SPAG16: variants seen among roughly 807,000 people sequenced by gnomAD.
SPAG16 encodes sperm-associated antigen 16 protein.
A neutral mutation model predicts 80.4 loss-of-function variants in SPAG16; 86 were observed. The observed-to-expected ratio is 1.07, with a 90% CI of 0.90 to 1.28. The LOEUF is 1.28. Ranked by LOEUF, SPAG16 falls within the 50% of genes most tolerant of loss-of-function variation. The probability of loss-of-function intolerance (pLI) is 0.00; values close to 1 mark genes in which losing one functional copy is unlikely to be tolerated. For synonymous variants in SPAG16, 294 were observed against 265.9 expected, an observed-to-expected ratio of 1.11 and a Z score of -1.03; for missense variants, 870 against 765.3, an observed-to-expected ratio of 1.14 and a Z score of -1.61.
intron 9 of SPAG16, among the ~76,000 whole-genome samples, chr2:213,440,193 C>T (rs1267860278): frequency 6.6e-6 from 1 of 152,082 alleles, no homozygotes; most frequent in Non-Finnish European, 1.5e-5. Context: ...CAAAGAAGCA[C>T]AAGTTGGGAG....
intron 10 of SPAG16, among the ~76,000 whole-genome samples, chr2:213,795,638 G>T (rs2070977581): frequency 6.6e-6 from 1 of 152,100 alleles, no homozygotes; most frequent in African/African-American, 2.4e-5. Context: ...TTAGAGGTGG[G>T]GCCTGGTGGG....
intron 15 of SPAG16, among the ~76,000 whole-genome samples, chr2:214,245,816 G>C (rs1689799434): frequency 1.3e-5 from 2 of 152,118 alleles, no homozygotes; most frequent in Non-Finnish European, 2.9e-5. Flanking sequence ...TTGGGTTAGA[G>C]CCCTAAGCAG....
chr2:213,787,167 C>CA (rs1433916689), intron 10 of SPAG16, among the ~76,000 whole-genome samples: 3 of 152,096 alleles, frequency 2.0e-5, no homozygotes, highest in Admixed American at 2.0e-4. Flanking sequence ...CACCATGACA[C>CA]ACGTTTACCT....
rs1351084187 is a variant in SPAG16 at position 214,118,723 on chromosome 2, A to G, written c.1593+10462A>G. 2.6e-5 allele frequency among the ~76,000 whole-genome samples: 4 copies of G among 152,276 alleles called. No individual in the cohort carries two copies. In the South Asian group the frequency reaches 6.2e-4, roughly 24 times the overall value. ...TAGACATATGGCGATTATGGGAACTACAATTCAAGAGGAAATTGAGAGGGG... is the reference window on the plus strand; with the variant it reads ...TAGACATATGGCGATTATGGGAACTGCAATTCAAGAGGAAATTGAGAGGGG... On this transcript the variant is annotated intron_variant, in intron 14 of 15. Transcript: ENST00000331683.
chr2:214,220,016 T>G lies in SPAG16; in HGVS notation c.1720+70750T>G, dbSNP rs147901210. On this transcript the variant is annotated intron_variant, in intron 15 of 15. Coordinates refer to ENST00000331683, the MANE Select transcript of SPAG16 (RefSeq NM_024532.5). ...TGATTATTTTTTTATTGATACTCCTTCATATCTAATAGTTTATAAGGACAT... is the reference window on the plus strand; with the variant it reads ...TGATTATTTTTTTATTGATACTCCTGCATATCTAATAGTTTATAAGGACAT... 1.5e-3 allele frequency among the ~76,000 whole-genome samples: 227 copies of G among 152,194 alleles called. 4 individuals carry two copies. The highest frequency in any genetic ancestry group is 4.8e-3 in the African/African-American group (198 of 41,558).
At chr2:214,044,636 T>C (rs1031186020) in intron 13 of SPAG16, among the ~76,000 whole-genome samples, 17 of 152,280 alleles carry the variant, frequency 1.1e-4, no homozygotes, top group East Asian at 3.9e-4. Flanking sequence ...CTGAAAAGGA[T>C]AGAAAAGACA....
chr2:213,428,509 T>A (rs1240461577), intron 9 of SPAG16, among the ~76,000 whole-genome samples: 1 of 152,090 alleles, frequency 6.6e-6, no homozygotes, highest in African/African-American at 2.4e-5. Flanking sequence ...TTAAAGGAGC[T>A]TGGACAGGGG....
chr2:213,359,242 T>C (rs2065843519), intron 7 of SPAG16, among the ~76,000 whole-genome samples: 1 of 152,208 alleles, frequency 6.6e-6, no homozygotes, highest in Non-Finnish European at 1.5e-5. Flanking sequence ...AGGGACCCAC[T>C]TGAGGAGGCA....
At chr2:213,665,959 T>A (rs1440692223) in intron 10 of SPAG16, among the ~76,000 whole-genome samples, 1 of 152,128 alleles carries the variant, frequency 6.6e-6, no homozygotes, top group Non-Finnish European at 1.5e-5. Flanking sequence ...AAAGGACACT[T>A]ATTTACAATG....
At chr2:213,341,090 C>T (rs1457691635) in intron 6 of SPAG16, among the ~76,000 whole-genome samples, 1 of 152,030 alleles carries the variant, frequency 6.6e-6, no homozygotes, top group Non-Finnish European at 1.5e-5. Flanking sequence ...ATTTCAGGCA[C>T]CCTGGTAAAG....
intron 10 of SPAG16, among the ~76,000 whole-genome samples, chr2:213,576,595 T>TGGATAAAG (rs759537198): frequency 4.6e-5 from 7 of 152,016 alleles, no homozygotes; most frequent in Non-Finnish European, 7.4e-5. Context: ...AATGATAGAC[T>TGGATAAAG]GGATAAAGAA....
chr2:214,189,523 C>T (rs2057588669), intron 15 of SPAG16, among the ~76,000 whole-genome samples: 1 of 152,032 alleles, frequency 6.6e-6, no homozygotes, highest in South Asian at 2.1e-4. Context: ...CTCTATGTAC[C>T]TGTGCATTTT....
At chr2:213,675,956 A>C (rs945662874) in intron 10 of SPAG16, among the ~76,000 whole-genome samples, 1 of 152,082 alleles carries the variant, frequency 6.6e-6, no homozygotes, top group Non-Finnish European at 1.5e-5. Flanking sequence ...GATGGCATTG[A>C]ATCTATAAAT....
At chr2:213,506,024 T>C (rs1278098660) in intron 10 of SPAG16, among the ~76,000 whole-genome samples, 1 of 152,088 alleles carries the variant, frequency 6.6e-6, no homozygotes, top group Non-Finnish European at 1.5e-5. Context: ...TTCTTTGTAA[T>C]TTATGAGATT....
chr2:213,433,381 T>C (rs912970440), intron 9 of SPAG16, among the ~76,000 whole-genome samples: 2 of 152,236 alleles, frequency 1.3e-5, no homozygotes, highest in African/African-American at 4.8e-5. Context: ...ACTCTTAGAA[T>C]TGATAAATGT....
At chr2:213,869,252 T>TAAAAAAAAAAA (rs2075835316) in intron 11 of SPAG16, among the ~76,000 whole-genome samples, 1 of 68,546 alleles carries the variant, frequency 1.5e-5, no homozygotes, top group Non-Finnish European at 3.0e-5. Flanking sequence ...AAAGTCCATG[T>TAAAAAAAAAAA]CAAAAAAAAA....
At chr2:214,003,834 G>A (rs969983103) in intron 12 of SPAG16, among the ~76,000 whole-genome samples, 18 of 152,138 alleles carry the variant, frequency 1.2e-4, no homozygotes, top group African/African-American at 3.6e-4. Context: ...ACAAATGTAC[G>A]TTCTCTCTAA....
At chr2:214,174,946 T>A (rs1474654238) in intron 15 of SPAG16, among the ~76,000 whole-genome samples, 2 of 151,664 alleles carry the variant, frequency 1.3e-5, no homozygotes, top group Non-Finnish European at 3.0e-5. Context: ...GACTGAGAAC[T>A]GTATTCCTTG....
chr2:213,531,843 A>G (rs1349555451), intron 10 of SPAG16, among the ~76,000 whole-genome samples: 1 of 152,160 alleles, frequency 6.6e-6, no homozygotes, highest in East Asian at 1.9e-4. Flanking sequence ...ATTGGAAGTC[A>G]TGATCTATTG....
Sources: allele counts gnomAD v4.1 joint callset (sites outside exome capture counted in the v4.1 genomes callset), GRCh38; gene constraint gnomAD v4.1.1; transcripts MANE v1.5; gene names NCBI Gene and HGNC (gene_info 2026-07-23, HGNC 2026-07-21).